The following ADAMTSL1 variants were observed in gnomAD, a reference collection of about 807,000 sequenced individuals.
The protein encoded by ADAMTSL1 is ADAMTS like 1.
A neutral mutation model predicts 201.8 loss-of-function variants in ADAMTSL1; 126 were observed. The ratio of observed to expected loss-of-function variants is 0.62; its 90% CI spans 0.54 to 0.72. ADAMTSL1 has a LOEUF of 0.72. Ranked by LOEUF, ADAMTSL1 falls within the 30% of genes least tolerant of loss-of-function variation. The probability of loss-of-function intolerance (pLI) is 0.00; values close to 1 mark genes in which losing one functional copy is unlikely to be tolerated. For synonymous variants in ADAMTSL1, 1,121 were observed against 903.4 expected (o/e 1.24, Z -4.32); for missense variants, 2,679 against 2,277.8 (o/e 1.18, Z -3.59).
chr9:18,371,766 A>T (rs1329699710), intron 2 of ADAMTSL1, among the ~76,000 whole-genome samples: 1 of 152,210 alleles, frequency 6.6e-6, no homozygotes, highest in Non-Finnish European at 1.5e-5. Context: ...GGCAAATCTT[A>T]TTCTAGTTTA....
chr9:18,270,997 G>T (rs907294667), intron 2 of ADAMTSL1, among the ~76,000 whole-genome samples: 17 of 152,148 alleles, frequency 1.1e-4, no homozygotes, highest in Non-Finnish European at 2.4e-4. Context: ...CCATGCTGGT[G>T]GGTGGTTGGA....
chr9:18,148,067 G>T (rs1266993603), intron 1 of ADAMTSL1, among the ~76,000 whole-genome samples: 1 of 151,992 alleles, frequency 6.6e-6, no homozygotes, highest in Non-Finnish European at 1.5e-5. Flanking sequence ...ATAAATATTT[G>T]TTGAAATGAC....
intron 3 of ADAMTSL1, among the ~76,000 whole-genome samples, chr9:18,562,727 T>C (rs991840376): frequency 6.6e-6 from 1 of 152,228 alleles, no homozygotes; most frequent in African/African-American, 2.4e-5. Flanking sequence ...TTTATTCTTT[T>C]TTCTCTAATC....
chr9:18,636,132 A>T, intron 6 of ADAMTSL1, 115 bp downstream of exon 6: 5 of 879,642 alleles, frequency 5.7e-6, no homozygotes, highest in Non-Finnish European at 8.4e-6. Context: ...CTCTATCATA[A>T]TATGATATTT....
intron 1 of ADAMTSL1, among the ~76,000 whole-genome samples, chr9:18,121,499 G>A (rs1427612586): frequency 1.3e-5 from 2 of 152,088 alleles, no homozygotes; most frequent in Non-Finnish European, 2.9e-5. Flanking sequence ...CCATCGAAAT[G>A]TATTTTTCTC....
intron 2 of ADAMTSL1, among the ~76,000 whole-genome samples, chr9:18,462,456 T>G (rs1208072438): frequency 6.6e-6 from 1 of 152,152 alleles, no homozygotes; most frequent in Non-Finnish European, 1.5e-5. Flanking sequence ...AGAGAGACAT[T>G]AAATATATAA....
chr9:18,805,813 G>A (rs1030849126), intron 20 of ADAMTSL1, among the ~76,000 whole-genome samples: 1 of 152,152 alleles, frequency 6.6e-6, no homozygotes, highest in East Asian at 1.9e-4. Flanking sequence ...TTGGCTTCAG[G>A]ATCTCAAACC....
intron 1 of ADAMTSL1, among the ~76,000 whole-genome samples, chr9:17,979,931 GAGCTTAGAACTGAGGGGGCTAACATGA>G (rs943933246): frequency 1.3e-5 from 2 of 152,074 alleles, no homozygotes; most frequent in African/African-American, 4.8e-5. Context: ...AGAAGGACAG[GAGCTTAGAACTGAGGGGGCTAACATGA>G]AGCTTGGAAC....
chr9:18,814,076 T>A lies in ADAMTSL1; in HGVS notation c.3806-3033T>A, dbSNP rs745324641. Among the ~76,000 whole-genome samples the A allele has an allele frequency of 2.0e-5, 3 of 152,244 alleles. No homozygotes were observed. In the South Asian group the frequency reaches 6.2e-4, roughly 32 times the overall value. On this transcript the variant is annotated intron_variant, in intron 20 of 28. Coordinates refer to ENST00000380548, the MANE Select transcript of ADAMTSL1 (RefSeq NM_001040272.6). ...CTATTGTCTTTCTTATAATAGCCAT[T>A]CTAACTGGGGTGAGATGATACCTCA... is the stretch of plus-strand genomic sequence containing the variant.
In ADAMTSL1 at chr9:18,879,946, T is replaced by G. The variant is rs181801425; in HGVS notation, c.4250-7885T>G. 3.2e-3 allele frequency among the ~76,000 whole-genome samples: 487 copies of G among 152,316 alleles called. 2 individuals carry two copies. Among genetic ancestry groups the G allele is most frequent in the African/African-American group, 0.011 (441 of 41,570 alleles). ...TAAGTTTATATAATATTCTAAATCCTTTGTCATCATTTCAACACTGTTCAC... is the reference window on the plus strand; with the variant it reads ...TAAGTTTATATAATATTCTAAATCCGTTGTCATCATTTCAACACTGTTCAC... On this transcript the variant is annotated intron_variant, in intron 23 of 28. Transcript: ENST00000380548.
chr9:18,723,732 A>G (rs1817691272), intron 15 of ADAMTSL1: 1 of 152,752 alleles, frequency 6.5e-6, no homozygotes, highest in East Asian at 1.9e-4. Flanking sequence ...AATTGCAACA[A>G]TAAAGGGGAC....
At position 18,906,835 on chromosome 9, in the gene ADAMTSL1, C is replaced by A. The variant is rs1830337450; in HGVS notation, c.5105C>A (p.Ala1702Glu). 6.2e-7 allele frequency: 1 copy of A among 1,614,048 alleles called. No individual in the cohort carries two copies. The highest frequency in any genetic ancestry group is 8.5e-7 in the Non-Finnish European group (1 of 1,179,894). ...TGTGTGCATGCCCGCACCAACAAGGCAGTGCCTGAGCACCTGTGCTCCTGG... is the reference window on the plus strand; with the variant it reads ...TGTGTGCATGCCCGCACCAACAAGGAAGTGCCTGAGCACCTGTGCTCCTGG... ...VECVHARTNK[A>E]VPEHLCSWGP... Residue 1702 changes from alanine (A) to glutamate (E), a missense_variant, in exon 28 of 29, where the codon GCA becomes GAA. By Grantham distance (107) the Ala-to-Glu change is moderately radical. Transcript: ENST00000380548.
At chr9:18,800,622 C>G (rs1822734657) in intron 20 of ADAMTSL1, among the ~76,000 whole-genome samples, 1 of 152,066 alleles carries the variant, frequency 6.6e-6, no homozygotes, top group South Asian at 2.1e-4. Context: ...AGGAGAATCT[C>G]ACTGAGCTCC....
intron 17 of ADAMTSL1, among the ~76,000 whole-genome samples, chr9:18,774,954 T>A (rs1382515958): frequency 6.6e-6 from 1 of 152,206 alleles, no homozygotes; most frequent in Non-Finnish European, 1.5e-5. Context: ...TGTAAGAAAC[T>A]ACCAATCTGT....
At chr9:18,273,482 T>C (rs570903466) in intron 2 of ADAMTSL1, among the ~76,000 whole-genome samples, 18 of 152,376 alleles carry the variant, frequency 1.2e-4, no homozygotes, top group Admixed American at 5.2e-4. Context: ...TTAAGACTTT[T>C]ATTTGTAAGC....
At chr9:18,292,509 A>G (rs1207012623) in intron 2 of ADAMTSL1, among the ~76,000 whole-genome samples, 1 of 152,142 alleles carries the variant, frequency 6.6e-6, no homozygotes, top group African/African-American at 2.4e-5. Context: ...AAAGGAGGTT[A>G]ACATTTGAGT....
intron 2 of ADAMTSL1, among the ~76,000 whole-genome samples, chr9:18,364,047 G>A (rs1812748227): frequency 6.6e-6 from 1 of 152,086 alleles, no homozygotes; most frequent in Admixed American, 6.5e-5. Flanking sequence ...GAAATTAAAA[G>A]AAATTCCTAG....
chr9:18,619,488 C>T (rs2132656443), intron 4 of ADAMTSL1, among the ~76,000 whole-genome samples: 1 of 152,198 alleles, frequency 6.6e-6, no homozygotes, highest in East Asian at 1.9e-4. Flanking sequence ...TTAAAACTGA[C>T]TTGGTTCATA....
chr9:18,717,292 AAAAT>A (rs2133395384), intron 14 of ADAMTSL1, among the ~76,000 whole-genome samples: 1 of 150,752 alleles, frequency 6.6e-6, no homozygotes, highest in East Asian at 1.9e-4. Context: ...AAAAAAATAA[AAAAT>A]AAAGAAATTT....
Sources: gnomAD v4.1 joint callset for allele counts (sites outside exome capture counted in the v4.1 genomes callset) on GRCh38, gnomAD v4.1.1 for gene constraint, MANE v1.5 for transcripts, NCBI Gene and HGNC (gene_info 2026-07-23, HGNC 2026-07-21) for gene names.